The following ZNF208 variants were observed in gnomAD, a reference collection of about 807,000 sequenced individuals.
ZNF208 encodes the protein zinc finger protein 208.
In ZNF208, 10 loss-of-function variants were observed where a neutral mutation model predicts 12.1. The ratio of observed to expected loss-of-function variants is 0.83; its 90% CI spans 0.51 to 1.40. The LOEUF (loss-of-function observed/expected upper bound fraction) is 1.40, where lower values mean the gene tolerates loss of function less well. Among genes scored for constraint, ZNF208 ranks in the 40% most tolerant of loss-of-function variants. The pLI is 0.00. For missense variants in ZNF208, 1,652 were observed against 1,485.0 expected, an observed-to-expected ratio of 1.11 and a Z score of -1.85; for synonymous variants, 497 against 488.4, an observed-to-expected ratio of 1.02 and a Z score of -0.23.
chr19:21,977,590 G>A (rs1970457480), intron 3 of ZNF208, among the ~76,000 whole-genome samples: 1 of 152,198 alleles, frequency 6.6e-6, no homozygotes, highest in Non-Finnish European at 1.5e-5. Flanking sequence ...TGCAGACCAG[G>A]AGATTCCCTC....
chr19:21,965,724 GA>G (rs914801721), downstream of ZNF208: 3 of 148,078 alleles, frequency 2.0e-5, no homozygotes, highest in African/African-American at 7.5e-5. Flanking sequence ...TTTTTTTTTA[GA>G]AAAAATGTTT....
At chr19:22,009,346 G>A (rs1249064227) in intron 1 of ZNF208, 1 of 152,114 alleles carries the variant, frequency 6.6e-6, no homozygotes, top group African/African-American at 2.4e-5. Flanking sequence ...GTCCTGCTTG[G>A]GACACATGTG....
At chr19:21,982,704 A>C (rs192870031) in intron 3 of ZNF208, among the ~76,000 whole-genome samples, 2 of 152,328 alleles carry the variant, frequency 1.3e-5, no homozygotes, top group East Asian at 3.9e-4. Flanking sequence ...CTCAGAAATA[A>C]CACCACACAT....
chr19:21,986,326 C>G (rs1970627782), intron 3 of ZNF208, among the ~76,000 whole-genome samples: 1 of 152,038 alleles, frequency 6.6e-6, no homozygotes, highest in African/African-American at 2.4e-5. Flanking sequence ...AGTAAATTAG[C>G]AAAATATAAA....
chr19:21,954,986 T>C (rs1056995457), intron 4 of ZNF208, among the ~76,000 whole-genome samples: 5 of 152,218 alleles, frequency 3.3e-5, no homozygotes, highest in African/African-American at 1.2e-4. Flanking sequence ...TTCCTTTTTA[T>C]GTTTAGTGCT....
intron 3 of ZNF208, 111 bp from the exon 4 acceptor site, chr19:21,974,918 AAT>A: frequency 7.9e-7 from 1 of 1,268,230 alleles, no homozygotes; most frequent in Non-Finnish European, 1.0e-6. Context: ...ATGACACTGC[AAT>A]ATGACACAGG....
At chr19:21,942,191 CTT>C (rs1041426092) in intron 4 of ZNF208, among the ~76,000 whole-genome samples, 1 of 152,034 alleles carries the variant, frequency 6.6e-6, no homozygotes, top group African/African-American at 2.4e-5. Flanking sequence ...AGACAATAGA[CTT>C]AAATAATTTC....
At chr19:21,956,258 T>A (rs1326030296) in intron 4 of ZNF208, among the ~76,000 whole-genome samples, 1 of 152,140 alleles carries the variant, frequency 6.6e-6, no homozygotes, top group Non-Finnish European at 1.5e-5. Context: ...CTGGGAGGTG[T>A]CTCCCAGTTA....
chr19:21,974,588 T>C lies in ZNF208; in HGVS notation c.446A>G (p.Lys149Arg). ...ACATTTATGAAAGACATTTGCATAT[T>C]TGCCACGTTGAAATACTTTGCTCTG... ...TTQSKVFQRG[K>R]YANVFHKCSN... The change falls in exon 4 of 4, where the codon AAA becomes AGA. Residue 149 changes from lysine (K) to arginine (R), a missense_variant. Lys to Arg is a conservative substitution (Grantham distance 26). Coordinates refer to ENST00000397126, the MANE Select transcript of ZNF208 (RefSeq NM_007153.3). The C allele has an allele frequency of 6.2e-7, 1 of 1,613,724 alleles. No individual in the cohort carries two copies.
intron 1 of ZNF208, among the ~76,000 whole-genome samples, chr19:22,005,975 A>C (rs1191685637): frequency 6.6e-6 from 1 of 152,104 alleles, no homozygotes; most frequent in African/African-American, 2.4e-5. Context: ...AACACTCTGC[A>C]TATTTTCTTC....
In ZNF208 at chr19:21,988,980, T is replaced by A. The variant is rs1017419832; in HGVS notation, c.4-71A>T. ...ATTTTTAATTTGACTCAAGGTAAAA[T>A]GCAGAGAGTAAAGAGAGCTGGTTCT... On this transcript the variant is annotated intron_variant, in intron 1 of 3. Transcript: ENST00000397126. 129 of 1,598,026 alleles carry A rather than the reference T, an allele frequency of 8.1e-5. 1 individual carries two copies. The Admixed American group carries it at 2.1e-3, about 27-fold the overall frequency.
At position 21,972,291 on chromosome 19, in the gene ZNF208, T is replaced by G; in HGVS notation, c.2743A>C (p.Lys915Gln). 6.2e-7 allele frequency: 1 copy of G among 1,613,776 alleles called. No homozygotes were observed. The highest frequency in any genetic ancestry group is 8.5e-7 in the Non-Finnish European group (1 of 1,179,924). ...CCACATTCTTCACATTTGTAGGGTT[T>G]CTCTCCAGTATGAATTACCTCATGT... ...TKHEVIHTGE[K>Q]PYKCEECGKA... The change falls in exon 4 of 4, where the codon AAA becomes CAA. Residue 915 changes from lysine (K) to glutamine (Q), a missense_variant. Lys to Gln is a moderately conservative substitution (Grantham distance 53). Around this residue, in one of 3 missense-constraint regions of ZNF208, gnomAD observed 1,239 missense variants for 1,086.2 expected, o/e 1.14. Coordinates refer to ENST00000397126, the MANE Select transcript of ZNF208 (RefSeq NM_007153.3).
At chr19:21,996,457 GATAA>G (rs1970837187) in intron 1 of ZNF208, among the ~76,000 whole-genome samples, 1 of 152,082 alleles carries the variant, frequency 6.6e-6, no homozygotes, top group South Asian at 2.1e-4. Context: ...AGTTTCAATA[GATAA>G]ATATATAGCT....
At chr19:21,985,392 T>C (rs1229863176) in intron 3 of ZNF208, among the ~76,000 whole-genome samples, 3 of 152,144 alleles carry the variant, frequency 2.0e-5, no homozygotes, top group Non-Finnish European at 4.4e-5. Flanking sequence ...ACCTGGGTTA[T>C]GTAGTGAAAC....
intron 1 of ZNF208, among the ~76,000 whole-genome samples, chr19:22,001,915 A>AAAAAAAG (rs1970959725): frequency 1.4e-4 from 21 of 144,858 alleles, no homozygotes; most frequent in Admixed American, 2.1e-4. Flanking sequence ...AAAAAAAAAA[A>AAAAAAAG]AAAAAAGAAA....
intron 1 of ZNF208, among the ~76,000 whole-genome samples, chr19:21,994,772 G>A (rs1390517570): frequency 6.6e-6 from 1 of 151,970 alleles, no homozygotes; most frequent in Non-Finnish European, 1.5e-5. Context: ...ATAAGTTCAG[G>A]TGTAGACATC....
rs963502313 is a variant in ZNF208, at chr19:21,966,325, T to A, written c.*4866A>T. 5 of 152,050 alleles carry A rather than the reference T, an allele frequency of 3.3e-5. No homozygotes were observed. Among genetic ancestry groups the A allele is most frequent in the Non-Finnish European group, 7.4e-5 (5 of 67,976 alleles). 9.4% of individuals were successfully genotyped at this position (152,050 alleles called of 1,614,324 possible). A position where few individuals can be genotyped will look rare whatever the true frequency, so the allele number is the denominator to read the frequency against. ...ATCTTTGTTTCCATGTGCGCCCAATTTTTAGCATCCATGTATGAGTGAGAA... is the reference window on the plus strand; with the variant it reads ...ATCTTTGTTTCCATGTGCGCCCAATATTTAGCATCCATGTATGAGTGAGAA... On this transcript the variant is annotated 3_prime_UTR_variant, in exon 4 of 4. Transcript: ENST00000397126.
At chr19:21,955,854 A>C (rs1254817491) in intron 4 of ZNF208, among the ~76,000 whole-genome samples, 1 of 152,176 alleles carries the variant, frequency 6.6e-6, no homozygotes, top group African/African-American at 2.4e-5. Flanking sequence ...GTCATTCTCC[A>C]TCCAGCTTTG....
chr19:21,971,690 C>G lies in ZNF208; in HGVS notation c.3344G>C (p.Cys1115Ser). 6.2e-7 allele frequency: 1 copy of G among 1,613,410 alleles called. No homozygotes were observed. Among genetic ancestry groups the G allele is most frequent in the Non-Finnish European group, 8.5e-7 (1 of 1,179,832 alleles). ...RIHTGEKPYK[C>S]EECGKSFSTF... ...ACTAAAGCTTTTGCCACATTCTTCA[C>G]ATTTGTAGGGTTTCTCTCCAGTATG... is the stretch of plus-strand genomic sequence containing the variant. The change falls in exon 4 of 4, where the codon TGT becomes TCT. Residue 1115 changes from cysteine (C) to serine (S), a missense_variant. Physicochemically the swap from Cys to Ser is moderately radical, Grantham distance 112. Transcript: ENST00000397126.
Sources: allele counts gnomAD v4.1 joint callset (sites outside exome capture counted in the v4.1 genomes callset), GRCh38; gene constraint gnomAD v4.1.1; regional missense constraint gnomAD v4.1.1; transcripts MANE v1.5; gene names NCBI Gene and HGNC (gene_info 2026-07-23, HGNC 2026-07-21).